The following RBFOX1 variants were observed in gnomAD, a reference collection of about 807,000 sequenced individuals.
The protein encoded by RBFOX1 is RNA binding fox-1 homolog 1.
In RBFOX1, 8 loss-of-function variants were observed where a neutral mutation model predicts 57.7. The ratio of observed to expected loss-of-function variants is 0.14; its 90% CI spans 0.08 to 0.25. The LOEUF (loss-of-function observed/expected upper bound fraction) is 0.25. Ranked by LOEUF, RBFOX1 falls within the 10% of genes least tolerant of loss-of-function variation. The pLI, the probability that RBFOX1 is intolerant of heterozygous loss-of-function variation, is 1.00. For missense variants in RBFOX1, 611 were observed against 548.5 expected (o/e 1.11, Z -1.14); for synonymous variants, 326 against 222.4 (o/e 1.47, Z -4.15).
chr16:6,802,261 G>A (rs942310117), intron 3 of RBFOX1, among the ~76,000 whole-genome samples: 1 of 152,096 alleles, frequency 6.6e-6, no homozygotes, highest in South Asian at 2.1e-4. Flanking sequence ...TGCCGAAACA[G>A]TAGTTGTGGA....
At chr16:7,490,168 A>G (rs943942839) in intron 4 of RBFOX1, among the ~76,000 whole-genome samples, 2 of 152,220 alleles carry the variant, frequency 1.3e-5, no homozygotes, top group Non-Finnish European at 2.9e-5. Context: ...ATAAATTGGC[A>G]GAAATGTCTG....
intron 1 of RBFOX1, chr16:6,059,331 G>A (rs1169068665): frequency 2.6e-5 from 4 of 152,176 alleles, no homozygotes; most frequent in South Asian, 2.1e-4. Context: ...ACAGGAGTGC[G>A]TGGTATCTCT....
At chr16:5,989,170 A>AT (rs2082161926) in intron 4 of RBFOX1, among the ~76,000 whole-genome samples, 1 of 151,666 alleles carries the variant, frequency 6.6e-6, no homozygotes, top group Non-Finnish European at 1.5e-5. Context: ...AAAAAAAAAA[A>AT]AATACAAAAA....
At chr16:5,989,304 C>T (rs2060344285) in intron 4 of RBFOX1, among the ~76,000 whole-genome samples, 4 of 151,998 alleles carry the variant, frequency 2.6e-5, no homozygotes. Context: ...GCACTGCAGC[C>T]TGGGTGACAG....
chr16:6,983,090 C>G (rs1225256675), intron 3 of RBFOX1, among the ~76,000 whole-genome samples: 1 of 148,926 alleles, frequency 6.7e-6, no homozygotes, highest in Non-Finnish European at 1.5e-5. Context: ...AGTGGCCATG[C>G]TGAGACATGA....
At chr16:7,171,813 C>CT (rs1567559522) in intron 4 of RBFOX1, among the ~76,000 whole-genome samples, 2 of 152,124 alleles carry the variant, frequency 1.3e-5, no homozygotes, top group African/African-American at 4.8e-5. Context: ...TGGCCATTGT[C>CT]TTTTTTTAGC....
intron 2 of RBFOX1, among the ~76,000 whole-genome samples, chr16:5,542,439 A>C (rs910672797): frequency 7.2e-6 from 1 of 139,100 alleles, no homozygotes; most frequent in Non-Finnish European, 1.6e-5. Context: ...TTGTATTTTT[A>C]GTAGAGATGG....
intron 3 of RBFOX1, among the ~76,000 whole-genome samples, chr16:6,848,300 T>TGGCC (rs1173156520): frequency 6.6e-6 from 1 of 152,136 alleles, no homozygotes; most frequent in Non-Finnish European, 1.5e-5. Flanking sequence ...GGGCATAGTA[T>TGGCC]GGCCAGGCTT....
intron 15 of RBFOX1, chr16:7,710,035 A>G (rs2083711124): frequency 5.0e-6 from 5 of 1,006,134 alleles, no homozygotes; most frequent in African/African-American, 1.7e-5. Flanking sequence ...CCATGGCCGG[A>G]CAGTTCACTG....
At chr16:6,784,247 C>A (rs1033396675) in intron 3 of RBFOX1, among the ~76,000 whole-genome samples, 1 of 152,046 alleles carries the variant, frequency 6.6e-6, no homozygotes, top group African/African-American at 2.4e-5. Context: ...GCCAGTGACT[C>A]TTAGATTTGC....
At chr16:6,373,657 G>C (rs1309428535) in intron 2 of RBFOX1, among the ~76,000 whole-genome samples, 5 of 152,118 alleles carry the variant, frequency 3.3e-5, no homozygotes, top group Non-Finnish European at 7.4e-5. Flanking sequence ...TGGAGATTGG[G>C]TAGATATACA....
At chr16:6,403,047 T>G (rs1374807819) in intron 2 of RBFOX1, among the ~76,000 whole-genome samples, 1 of 152,148 alleles carries the variant, frequency 6.6e-6, no homozygotes, top group Non-Finnish European at 1.5e-5. Flanking sequence ...GGTTAGAGGC[T>G]TGGGTGCTGA....
intron 5 of RBFOX1, among the ~76,000 whole-genome samples, chr16:7,568,580 C>T (rs1042803497): frequency 6.6e-6 from 1 of 152,038 alleles, no homozygotes; most frequent in African/African-American, 2.4e-5. Context: ...CTTATCTCAT[C>T]CTGTGACTTA....
chr16:6,996,328 A>T (rs953760986), intron 3 of RBFOX1, among the ~76,000 whole-genome samples: 3 of 152,292 alleles, frequency 2.0e-5, no homozygotes, highest in East Asian at 1.9e-4. Context: ...TAAATTTGAT[A>T]TTCGGACAGC....
chr16:5,900,620 C>A (rs944884615), intron 4 of RBFOX1, among the ~76,000 whole-genome samples: 1 of 152,186 alleles, frequency 6.6e-6, no homozygotes, highest in African/African-American at 2.4e-5. Context: ...CCAGGCCATC[C>A]CTCTAGCCCA....
chr16:7,457,167 G>C (rs2058696372), intron 4 of RBFOX1, among the ~76,000 whole-genome samples: 1 of 152,092 alleles, frequency 6.6e-6, no homozygotes, highest in Non-Finnish European at 1.5e-5. Flanking sequence ...GATTACAGGT[G>C]TGAGCCACCG....
chr16:7,483,144 C>T (rs1340948235), intron 4 of RBFOX1, among the ~76,000 whole-genome samples: 1 of 152,198 alleles, frequency 6.6e-6, no homozygotes, highest in Admixed American at 6.5e-5. Flanking sequence ...CAAGGCTGTG[C>T]TGGAATTGGG....
intron 3 of RBFOX1, among the ~76,000 whole-genome samples, chr16:5,711,209 G>C (rs1224207188): frequency 6.6e-6 from 1 of 152,208 alleles, no homozygotes; most frequent in African/African-American, 2.4e-5. Flanking sequence ...GATTCTAAAT[G>C]CTTTCTAATA....
intron 1 of RBFOX1, among the ~76,000 whole-genome samples, chr16:6,046,962 G>T (rs1177877650): frequency 6.6e-6 from 1 of 152,148 alleles, no homozygotes; most frequent in Non-Finnish European, 1.5e-5. Context: ...TGGATGTTGG[G>T]GAAGAAAGAC....
Sources: gnomAD v4.1 joint callset for allele counts (sites outside exome capture counted in the v4.1 genomes callset) on GRCh38, gnomAD v4.1.1 for gene constraint, MANE v1.5 for transcripts, NCBI Gene and HGNC (gene_info 2026-07-23, HGNC 2026-07-21) for gene names.